The following ADAMTS2 variants were observed in gnomAD, a reference collection of about 807,000 sequenced individuals.
ADAMTS2 encodes the protein A disintegrin and metalloproteinase with thrombospondin motifs 2.
A neutral mutation model predicts 123.0 loss-of-function variants in ADAMTS2; 50 were observed. The ratio of observed to expected loss-of-function variants is 0.41; its 90% confidence interval spans 0.32 to 0.51. ADAMTS2 has a LOEUF of 0.51. Ranked by LOEUF, ADAMTS2 falls within the 20% of genes least tolerant of loss-of-function variation. The probability of loss-of-function intolerance (pLI) is 0.35; values close to 1 mark genes in which losing one functional copy is unlikely to be tolerated. For synonymous variants in ADAMTS2, 678 were observed against 695.4 expected, an observed-to-expected ratio of 0.98 and a Z score of 0.39; for missense variants, 1,494 against 1,705.2, an observed-to-expected ratio of 0.88 and a Z score of 2.18.
At chr5:179,114,448 G>T in intron 21 of ADAMTS2, 124 bp from the exon 22 acceptor site, 1 of 957,372 alleles carries the variant, frequency 1.0e-6, no homozygotes, top group Non-Finnish European at 1.6e-6. Flanking sequence ...AGGCAAGTGA[G>T]CCCAGGCAGA....
chr5:179,274,829 T>C (rs942294748), intron 2 of ADAMTS2, among the ~76,000 whole-genome samples: 7 of 151,852 alleles, frequency 4.6e-5, no homozygotes, highest in Non-Finnish European at 1.0e-4. Context: ...CTGGTGGAGG[T>C]GCAGGGCCTG....
chr5:179,167,571 C>T (rs1443157164), intron 5 of ADAMTS2, among the ~76,000 whole-genome samples: 1 of 151,990 alleles, frequency 6.6e-6, no homozygotes, highest in Non-Finnish European at 1.5e-5. Context: ...AGGCCGCCTC[C>T]GCTGGAACCG....
At chr5:179,221,449 C>T (rs72818658) in intron 3 of ADAMTS2, among the ~76,000 whole-genome samples, 20,238 of 152,186 alleles carry the variant, frequency 0.13, 1,795 homozygotes, top group Non-Finnish European at 0.2. Flanking sequence ...GCACAAAGAC[C>T]CCCCACTTTC....
chr5:179,206,950 C>G (rs1359124491), intron 4 of ADAMTS2, among the ~76,000 whole-genome samples: 1 of 152,130 alleles, frequency 6.6e-6, no homozygotes, highest in East Asian at 1.9e-4. Context: ...ATTCCCTCCC[C>G]AATTCCTCCC....
rs112956370 is a variant in ADAMTS2 at position 179,226,276 on chromosome 5, C to CT, written c.689-18562dup. ...TCTTCTCTTTCTTCTTTCCTTCTTT[C>CT]TTTTTTTTTTTTGAGACAGAGTCTC... On this transcript the variant is annotated intron_variant, in intron 3 of 21. Coordinates refer to ENST00000251582, the MANE Select transcript of ADAMTS2 (RefSeq NM_014244.5). 5.7e-3 allele frequency among the ~76,000 whole-genome samples: 756 copies of CT among 132,196 alleles called. 10 individuals carry two copies. The highest frequency in any genetic ancestry group is 0.02 in the East Asian group (95 of 4,666). 86.7% of individuals were successfully genotyped at this position (132,196 alleles called of 152,430 possible).
At chr5:179,291,813 T>C (rs1182642839) in intron 2 of ADAMTS2, among the ~76,000 whole-genome samples, 1 of 151,930 alleles carries the variant, frequency 6.6e-6, no homozygotes, top group Non-Finnish European at 1.5e-5. Context: ...CACAGCTCAC[T>C]GCAGCCTGGA....
chr5:179,234,918 A>G lies in ADAMTS2; in HGVS notation c.689-27203T>C, dbSNP rs1765490069. On this transcript the variant is annotated intron_variant, in intron 3 of 21. Coordinates refer to ENST00000251582, the MANE Select transcript of ADAMTS2 (RefSeq NM_014244.5). This position sits in a 1 kb window ranked among gnomAD's most constrained non-coding sequence, Gnocchi z 4.7. ...CAGACCCGTGCGGGAGTGCGAGCAC[A>G]CTGGCTAGGGCCTCCTGATGGGCCT... 1.3e-5 allele frequency among the ~76,000 whole-genome samples: 2 copies of G among 152,130 alleles called. No individual in the cohort carries two copies. Among genetic ancestry groups the G allele is most frequent in the African/African-American group, 4.8e-5 (2 of 41,426 alleles).
chr5:179,162,287 G>A lies in ADAMTS2; in HGVS notation c.976-3408C>T, dbSNP rs368614496. Among the ~76,000 whole-genome samples the A allele has an allele frequency of 3.3e-5, 5 of 151,930 alleles. No homozygotes were observed. The highest frequency in any genetic ancestry group is 2.1e-4 in the South Asian group (1 of 4,826). On this transcript the variant is annotated intron_variant, in intron 5 of 21. Coordinates refer to ENST00000251582, the MANE Select transcript of ADAMTS2 (RefSeq NM_014244.5). The surrounding 1 kb of genome is among the most constrained non-coding windows in gnomAD (Gnocchi z 5.1). ...CAGGCCTGGCCAATCCCAGCACCAC[G>A]CCTTCCTGGCCACCATGAAGGATCA... is the stretch of plus-strand genomic sequence containing the variant.
At position 179,126,028 on chromosome 5, in the gene ADAMTS2, G is replaced by C. The variant is rs141654276; in HGVS notation, c.2720C>G (p.Ala907Gly). Residue 907 changes from alanine to glycine, a missense_variant, in exon 18 of 22, where the codon GCG (alanine) becomes GGG (glycine). Ala to Gly is a moderately conservative substitution (Grantham distance 60, BLOSUM62 0). Transcript: ENST00000251582. ...ALSKPKAIRR[A>G]CNPQECSQPV... ...CTGGGAGCATTCCTGTGGGTTGCAC[G>C]CTCTGCGGATGGCTTTGGGCTTCGA... The C allele has an allele frequency of 2.5e-6, 4 of 1,613,336 alleles. No homozygotes were observed. Among genetic ancestry groups the C allele is most frequent in the Non-Finnish European group, 3.4e-6 (4 of 1,180,038 alleles).
intron 2 of ADAMTS2, among the ~76,000 whole-genome samples, chr5:179,277,163 C>A: frequency 6.6e-6 from 1 of 152,160 alleles, no homozygotes; most frequent in Non-Finnish European, 1.5e-5. Flanking sequence ...CTCAGGCTTC[C>A]TCACACAGCC....
chr5:179,216,742 T>C (rs891324090), intron 3 of ADAMTS2, among the ~76,000 whole-genome samples: 3 of 152,254 alleles, frequency 2.0e-5, no homozygotes, highest in Non-Finnish European at 4.4e-5. Flanking sequence ...GCTCTCCACT[T>C]TAATATTAAT....
At chr5:179,210,248 C>A (rs1263665064) in intron 3 of ADAMTS2, among the ~76,000 whole-genome samples, 1 of 152,200 alleles carries the variant, frequency 6.6e-6, no homozygotes, top group Non-Finnish European at 1.5e-5. Flanking sequence ...CCTCCTGGCC[C>A]TAACCCCAGA....
chr5:179,120,536 C>G (rs1762732834), intron 21 of ADAMTS2: 1 of 151,730 alleles, frequency 6.6e-6, no homozygotes, highest in Non-Finnish European at 1.5e-5. Flanking sequence ...GAGTAGGGGC[C>G]GGCCGCCCGG....
intron 2 of ADAMTS2, among the ~76,000 whole-genome samples, chr5:179,294,231 G>A (rs1756270244): frequency 6.6e-6 from 1 of 152,088 alleles, no homozygotes; most frequent in South Asian, 2.1e-4. Context: ...ACTCCAGCCT[G>A]GGTAACAGAA....
chr5:179,207,475 T>TCCCCCCCCCCCCCCTCCCCCCCCCCCCC, intron 4 of ADAMTS2, 38 bp downstream of exon 4: 3 of 588,612 alleles, frequency 5.1e-6, no homozygotes, highest in Admixed American at 2.0e-5. Context: ...TGGTTGACCC[T>TCCCCCCCCCCCCCCTCCCCCCCCCCCCC]CCCCGCCCCA....
At chr5:179,224,322 C>T (rs560137070) in intron 3 of ADAMTS2, among the ~76,000 whole-genome samples, 4 of 152,282 alleles carry the variant, frequency 2.6e-5, no homozygotes, top group African/African-American at 9.6e-5. Context: ...AACACGCTGC[C>T]GGCCGCAGGC....
intron 2 of ADAMTS2, among the ~76,000 whole-genome samples, chr5:179,304,295 A>G (rs930661690): frequency 6.6e-6 from 1 of 152,244 alleles, no homozygotes; most frequent in African/African-American, 2.4e-5. Flanking sequence ...TCCAGGATAC[A>G]GTCCAAAATT....
intron 2 of ADAMTS2, among the ~76,000 whole-genome samples, chr5:179,295,568 G>T (rs1403293804): frequency 6.6e-6 from 1 of 152,160 alleles, no homozygotes; most frequent in African/African-American, 2.4e-5. Flanking sequence ...TAGTCCAGGT[G>T]CTGGTCCCAT....
intron 2 of ADAMTS2, among the ~76,000 whole-genome samples, chr5:179,311,148 A>G (rs1169157417): frequency 6.6e-6 from 1 of 151,904 alleles, no homozygotes; most frequent in African/African-American, 2.4e-5. Context: ...TGTTCAGCAG[A>G]TGTTCACTCT....
Sources: gnomAD v4.1 joint callset for allele counts (sites outside exome capture counted in the v4.1 genomes callset) on GRCh38, gnomAD v4.1.1 for gene constraint, Gnocchi (gnomAD v3.1) non-coding constraint, MANE v1.5 for transcripts, NCBI Gene and HGNC (gene_info 2026-07-23, HGNC 2026-07-21) for gene names.